Variants in NAV2 observed in about 807,000 individuals in gnomAD.
NAV2 encodes neuron navigator 2.
In NAV2, 54 loss-of-function variants were observed where a neutral mutation model predicts 223.2. The ratio of observed to expected loss-of-function variants is 0.24; its 90% CI spans 0.19 to 0.30. The LOEUF (loss-of-function observed/expected upper bound fraction) is 0.30, where lower values mean the gene tolerates loss of function less well. NAV2 is among the 10% of genes least tolerant of loss of function. The pLI, the probability that NAV2 is intolerant of heterozygous loss-of-function variation, is 1.00. For missense variants in NAV2, 2,806 were observed against 3,147.5 expected (o/e 0.89, Z 2.60); for synonymous variants, 1,279 against 1,239.3 (o/e 1.03, Z -0.67).
chr11:19,700,013 G>A (rs1215512339), intron 1 of NAV2, among the ~76,000 whole-genome samples: 3 of 152,196 alleles, frequency 2.0e-5, no homozygotes, highest in Admixed American at 6.5e-5. Flanking sequence ...TTCACTTAGT[G>A]TCGTAGCAAT....
chr11:19,422,133 A>T (rs759670641), intron 1 of NAV2, among the ~76,000 whole-genome samples: 1 of 152,200 alleles, frequency 6.6e-6, no homozygotes, highest in Non-Finnish European at 1.5e-5. Context: ...CAGGCCTGCA[A>T]CTCAAGACTC....
intron 1 of NAV2, among the ~76,000 whole-genome samples, chr11:19,394,577 T>C (rs1017600800): frequency 2.6e-5 from 4 of 152,182 alleles, no homozygotes; most frequent in African/African-American, 9.7e-5. Flanking sequence ...GCAGTAATGA[T>C]AGGGCCTCAC....
At chr11:19,940,075 C>T (rs1307993438) in intron 8 of NAV2, among the ~76,000 whole-genome samples, 7 of 152,066 alleles carry the variant, frequency 4.6e-5, no homozygotes, top group Non-Finnish European at 1.0e-4. Context: ...CTGGACTGCA[C>T]TGATACTTAA....
chr11:20,014,561 C>T (rs1020683650), intron 11 of NAV2, among the ~76,000 whole-genome samples: 1 of 151,840 alleles, frequency 6.6e-6, no homozygotes, highest in Non-Finnish European at 1.5e-5. Context: ...TCAAAACCCA[C>T]CTGGGCAACA....
At chr11:19,686,483 T>A (rs2049028624) in intron 1 of NAV2, among the ~76,000 whole-genome samples, 1 of 152,196 alleles carries the variant, frequency 6.6e-6, no homozygotes. Flanking sequence ...GTACTCCAGG[T>A]CATAGGGGTT....
At position 19,998,491 on chromosome 11, in the gene NAV2, C is replaced by CT. The variant is rs2052172813; in HGVS notation, c.2768+14246dup. On this transcript the variant is annotated intron_variant, in intron 11 of 37. Transcript: ENST00000349880. The surrounding 1 kb of genome is among the most constrained non-coding windows in gnomAD (Gnocchi z 5.0). ...CCTCTGCCCTTGCCTGAAACCCTCC[C>CT]TTAGTGCCTTTCCATTGCACCTAGA... Among the ~76,000 whole-genome samples, 1 of 152,132 alleles carries CT rather than the reference C, an allele frequency of 6.6e-6. No individual in the cohort carries two copies. Among genetic ancestry groups the CT allele is most frequent in the African/African-American group, 2.4e-5 (1 of 41,424 alleles).
At chr11:19,491,041 T>G (rs2042609163) in intron 1 of NAV2, among the ~76,000 whole-genome samples, 2 of 151,816 alleles carry the variant, frequency 1.3e-5, no homozygotes, top group Admixed American at 1.3e-4. Flanking sequence ...TTCTGAGGAG[T>G]AGGTCTCAAG....
At chr11:19,388,190 T>C (rs1454619399) in intron 1 of NAV2, among the ~76,000 whole-genome samples, 2 of 152,230 alleles carry the variant, frequency 1.3e-5, no homozygotes, top group Non-Finnish European at 2.9e-5. Context: ...GTGCGAATCT[T>C]TGTATGTTTT....
chr11:19,569,900 C>T (rs895318034), intron 1 of NAV2, among the ~76,000 whole-genome samples: 1 of 152,214 alleles, frequency 6.6e-6, no homozygotes, highest in African/African-American at 2.4e-5. Flanking sequence ...AAAAGCACAA[C>T]AAAGTCTACT....
At chr11:19,403,673 G>A (rs1454021050) in intron 1 of NAV2, among the ~76,000 whole-genome samples, 1 of 152,202 alleles carries the variant, frequency 6.6e-6, no homozygotes, top group Non-Finnish European at 1.5e-5. Context: ...ATAGTGCAGA[G>A]AACAAAACGG....
At chr11:19,579,950 A>T (rs61355696) in intron 1 of NAV2, among the ~76,000 whole-genome samples, 14,845 of 152,266 alleles carry the variant, frequency 0.097, 2,236 homozygotes, top group African/African-American at 0.33. Flanking sequence ...TGATCCTGGC[A>T]TGGGGACCAA....
At chr11:20,004,486 A>G (rs1390137675) in intron 11 of NAV2, among the ~76,000 whole-genome samples, 1 of 152,196 alleles carries the variant, frequency 6.6e-6, no homozygotes, top group Non-Finnish European at 1.5e-5. Flanking sequence ...GGCTCTGGCC[A>G]GAGAAGCCTG....
chr11:19,526,807 C>T (rs1413612624), intron 1 of NAV2, among the ~76,000 whole-genome samples: 1 of 152,186 alleles, frequency 6.6e-6, no homozygotes, highest in Non-Finnish European at 1.5e-5. Context: ...AGGTCCATTA[C>T]TTCCCTGGGC....
At chr11:20,060,786 G>A (rs990455132) in intron 19 of NAV2, among the ~76,000 whole-genome samples, 1 of 152,236 alleles carries the variant, frequency 6.6e-6, no homozygotes, top group Admixed American at 6.5e-5. Context: ...AGACTCTGAG[G>A]CAGGAAAGTA....
intron 14 of NAV2, among the ~76,000 whole-genome samples, chr11:20,047,470 C>A (rs765518068): frequency 2.0e-5 from 3 of 152,080 alleles, no homozygotes; most frequent in Non-Finnish European, 2.9e-5. Context: ...TGTAGTCATG[C>A]ATAGCAGAAT....
intron 26 of NAV2, among the ~76,000 whole-genome samples, chr11:20,085,131 C>G (rs2060349181): frequency 6.6e-6 from 1 of 151,472 alleles, no homozygotes; most frequent in African/African-American, 2.4e-5. Context: ...GAATTTGAGA[C>G]TCCAGTGAGC....
At chr11:19,638,810 C>T (rs1305084963) in intron 1 of NAV2, among the ~76,000 whole-genome samples, 27 of 151,982 alleles carry the variant, frequency 1.8e-4, no homozygotes, top group African/African-American at 4.8e-5. Flanking sequence ...CTGACCAACA[C>T]GGTGAAACCC....
chr11:19,546,291 C>T (rs1590474031), intron 1 of NAV2, among the ~76,000 whole-genome samples: 1 of 152,250 alleles, frequency 6.6e-6, no homozygotes, highest in Non-Finnish European at 1.5e-5. Context: ...GATTCCCTCT[C>T]TCAACCCTGG....
intron 1 of NAV2, among the ~76,000 whole-genome samples, chr11:19,756,780 T>C (rs529017613): frequency 2.0e-5 from 3 of 152,224 alleles, no homozygotes; most frequent in Non-Finnish European, 4.4e-5. Context: ...AAAAGGCTGA[T>C]CAGGGCGCCA....
Sources: allele counts gnomAD v4.1 joint callset (sites outside exome capture counted in the v4.1 genomes callset), GRCh38; gene constraint gnomAD v4.1.1; non-coding constraint Gnocchi (gnomAD v3.1); transcripts MANE v1.5; gene names NCBI Gene and HGNC (gene_info 2026-07-23, HGNC 2026-07-21).